ZFPM2: variants seen among roughly 807,000 people sequenced by gnomAD.
ZFPM2 encodes the protein zinc finger protein, FOG family member 2.
ZFPM2 carries 20 observed loss-of-function variants against 98.6 expected under a neutral mutation model. That is an observed-to-expected ratio of 0.20 (90% CI 0.14 to 0.29). The LOEUF is 0.29. Among genes scored for constraint, ZFPM2 ranks in the 10% least tolerant of loss-of-function variants. The probability of loss-of-function intolerance (pLI) is 1.00; values close to 1 mark genes in which losing one functional copy is unlikely to be tolerated. For missense variants in ZFPM2, 1,310 were observed against 1,388.6 expected (o/e 0.94, Z 0.90); for synonymous variants, 518 against 502.7 (o/e 1.03, Z -0.41).
chr8:105,626,172 C>G (rs1316758176), intron 4 of ZFPM2, among the ~76,000 whole-genome samples: 2 of 152,000 alleles, frequency 1.3e-5, no homozygotes, highest in Non-Finnish European at 2.9e-5. Context: ...TTGTATAGTT[C>G]CAGTCACATT....
At chr8:105,569,361 C>A (rs1299750431) in intron 4 of ZFPM2, among the ~76,000 whole-genome samples, 1 of 152,178 alleles carries the variant, frequency 6.6e-6, no homozygotes, top group African/African-American at 2.4e-5. Context: ...TTATTCAAGA[C>A]CCTGCATCCT....
chr8:105,336,601 A>G (rs756338697), intron 1 of ZFPM2, among the ~76,000 whole-genome samples: 25 of 151,636 alleles, frequency 1.6e-4, no homozygotes, highest in Admixed American at 2.0e-4. Context: ...TAAAAGGAAT[A>G]AATACTTTAT....
intron 1 of ZFPM2, among the ~76,000 whole-genome samples, chr8:105,349,621 A>G (rs1812605124): frequency 6.6e-6 from 1 of 152,218 alleles, no homozygotes. Context: ...GAAACTCTGC[A>G]TCATGATTCT....
At chr8:105,635,672 G>A (rs1015353231) in intron 5 of ZFPM2, among the ~76,000 whole-genome samples, 6 of 152,140 alleles carry the variant, frequency 3.9e-5, no homozygotes, top group Non-Finnish European at 7.4e-5. Flanking sequence ...TACCAATGCC[G>A]ACATTCAGAA....
At chr8:105,350,779 G>T (rs144759582) in intron 1 of ZFPM2, among the ~76,000 whole-genome samples, 1 of 152,168 alleles carries the variant, frequency 6.6e-6, no homozygotes, top group African/African-American at 2.4e-5. Context: ...CTGATGTAAA[G>T]ATTGTCATAT....
At chr8:105,571,638 G>A (rs1815356248) in intron 4 of ZFPM2, among the ~76,000 whole-genome samples, 1 of 152,178 alleles carries the variant, frequency 6.6e-6, no homozygotes, top group Non-Finnish European at 1.5e-5. Flanking sequence ...CAAATATTGT[G>A]CCAGCATTAT....
intron 1 of ZFPM2, among the ~76,000 whole-genome samples, chr8:105,370,999 T>C (rs1053355743): frequency 1.3e-5 from 2 of 152,204 alleles, no homozygotes; most frequent in African/African-American, 2.4e-5. Context: ...TTTAAAATAT[T>C]GGGTGCTACT....
chr8:105,667,900 A>G (rs2130898380), intron 5 of ZFPM2, among the ~76,000 whole-genome samples: 1 of 152,298 alleles, frequency 6.6e-6, no homozygotes, highest in Middle Eastern at 3.4e-3. Context: ...TTCTATTGTG[A>G]TACACCTCAG....
intron 5 of ZFPM2, among the ~76,000 whole-genome samples, chr8:105,647,025 T>C (rs1817061521): frequency 6.6e-6 from 1 of 152,154 alleles, no homozygotes; most frequent in Non-Finnish European, 1.5e-5. Flanking sequence ...TCAGAATGCC[T>C]GTCCAAGTTT....
At chr8:105,460,523 G>A (rs1373901280) in intron 3 of ZFPM2, among the ~76,000 whole-genome samples, 1 of 152,102 alleles carries the variant, frequency 6.6e-6, no homozygotes, top group South Asian at 2.1e-4. Context: ...GGGGAGCATG[G>A]CCCACCTGGC....
chr8:105,730,776 CT>C (rs201573898), intron 5 of ZFPM2, among the ~76,000 whole-genome samples: 101 of 124,372 alleles, frequency 8.1e-4, no homozygotes, highest in South Asian at 4.1e-3. Flanking sequence ...TTTCTTTTTT[CT>C]TTTTTTTTTT....
At chr8:105,402,801 T>C (rs1256025057) in intron 1 of ZFPM2, among the ~76,000 whole-genome samples, 1 of 152,094 alleles carries the variant, frequency 6.6e-6, no homozygotes, top group Non-Finnish European at 1.5e-5. Context: ...TCTTAATGGC[T>C]AATTATTTAT....
rs768629890 is a variant in ZFPM2, at chr8:105,747,155, T to C, written c.533-41563T>C. On this transcript the variant is annotated intron_variant, in intron 5 of 7. Coordinates refer to ENST00000407775, the MANE Select transcript of ZFPM2 (RefSeq NM_012082.4). ...AAAAACTTCTTGTTATCATCTTTAT[T>C]TTTAAGAATGAAGAAGGCATTTCCT... 4.8e-4 allele frequency among the ~76,000 whole-genome samples: 73 copies of C among 152,144 alleles called. 1 individual carries two copies. Among genetic ancestry groups the C allele is most frequent in the Non-Finnish European group, 9.6e-4 (65 of 68,012 alleles).
intron 4 of ZFPM2, among the ~76,000 whole-genome samples, chr8:105,589,573 A>T (rs1815799366): frequency 3.9e-5 from 6 of 152,144 alleles, no homozygotes; most frequent in Non-Finnish European, 7.4e-5. Flanking sequence ...CTTTTTTGTT[A>T]TTTGAATTAA....
intron 6 of ZFPM2, among the ~76,000 whole-genome samples, chr8:105,790,200 A>G (rs1382464563): frequency 1.3e-5 from 2 of 151,018 alleles, no homozygotes; most frequent in Non-Finnish European, 3.0e-5. Flanking sequence ...GTTTTCTTCT[A>G]GGGTTTTTAT....
chr8:105,688,133 A>G (rs1269542222), intron 5 of ZFPM2, among the ~76,000 whole-genome samples: 2 of 152,092 alleles, frequency 1.3e-5, no homozygotes, highest in Non-Finnish European at 2.9e-5. Flanking sequence ...GTTTTAACTA[A>G]AATAATGAAA....
rs190655494 is a variant in ZFPM2, at chr8:105,477,532, C to T, written c.301+33151C>T. 2.4e-3 allele frequency among the ~76,000 whole-genome samples: 372 copies of T among 151,926 alleles called. 2 individuals carry two copies. The highest frequency in any genetic ancestry group is 1.2e-3 in the East Asian group (6 of 5,162). The stretch of plus-strand genomic sequence containing the variant: ...TGCTGGGATTACAGGTGTGAGCCAC[C>T]GCGCCCCACATGATATCAATCATAT... On this transcript the variant is annotated intron_variant, in intron 3 of 7. Transcript: ENST00000407775.
chr8:105,342,681 A>C (rs1812451640), intron 1 of ZFPM2, among the ~76,000 whole-genome samples: 1 of 152,020 alleles, frequency 6.6e-6, no homozygotes, highest in African/African-American at 2.4e-5. Context: ...CTCCTAAAAC[A>C]AAGCAAAAGA....
chr8:105,614,838 G>A (rs142434849), intron 4 of ZFPM2, among the ~76,000 whole-genome samples: 7 of 152,084 alleles, frequency 4.6e-5, no homozygotes, highest in Non-Finnish European at 8.8e-5. Flanking sequence ...TAAATGAGAG[G>A]GGTTTTGAAA....
Sources: gnomAD v4.1 joint callset for allele counts (sites outside exome capture counted in the v4.1 genomes callset) on GRCh38, gnomAD v4.1.1 for gene constraint, MANE v1.5 for transcripts, NCBI Gene and HGNC (gene_info 2026-07-23, HGNC 2026-07-21) for gene names.